The following PDS5A variants were observed in gnomAD, a reference collection of about 807,000 sequenced individuals.
PDS5A encodes the protein sister chromatid cohesion protein PDS5 homolog A.
Under a neutral mutation model 167.1 loss-of-function variants are expected in PDS5A, and 42 were observed. The observed-to-expected ratio is 0.25, with a 90% CI of 0.20 to 0.33. The LOEUF is 0.33. Among genes scored for constraint, PDS5A ranks in the 10% least tolerant of loss-of-function variants. The pLI is 1.00. For missense variants in PDS5A, 1,033 were observed against 1,605.9 expected (o/e 0.64, Z 6.10); for synonymous variants, 553 against 554.6 (o/e 1.00, Z 0.04).
At chr4:39,843,589 G>A (rs1182122951) in intron 30 of PDS5A, among the ~76,000 whole-genome samples, 2 of 152,094 alleles carry the variant, frequency 1.3e-5, no homozygotes, top group South Asian at 2.1e-4. Flanking sequence ...GCGTGTGCCT[G>A]TAAGCTCAGG....
intron 16 of PDS5A, among the ~76,000 whole-genome samples, chr4:39,893,814 G>C (rs1370930234): frequency 6.6e-6 from 1 of 152,158 alleles, no homozygotes; most frequent in Non-Finnish European, 1.5e-5. Flanking sequence ...GCTAATATAA[G>C]AGCTAGGAAA....
chr4:39,918,278 CT>C (rs1277116530), intron 7 of PDS5A, among the ~76,000 whole-genome samples: 1 of 146,662 alleles, frequency 6.8e-6, no homozygotes, highest in African/African-American at 2.5e-5. Flanking sequence ...TGGGTTGTTT[CT>C]TTTAATACTC....
chr4:39,879,165 A>G (rs575598509), intron 18 of PDS5A, among the ~76,000 whole-genome samples: 12 of 151,948 alleles, frequency 7.9e-5, no homozygotes, highest in African/African-American at 2.7e-4. Context: ...TTTGCCTTCA[A>G]TTTCTTCCCT....
chr4:39,937,268 C>A (rs1326597131), intron 2 of PDS5A, among the ~76,000 whole-genome samples: 1 of 152,168 alleles, frequency 6.6e-6, no homozygotes, highest in Non-Finnish European at 1.5e-5. Flanking sequence ...AAGACACTCT[C>A]ACTTGGGAAA....
chr4:39,895,803 C>G (rs886755009), intron 16 of PDS5A, among the ~76,000 whole-genome samples: 1 of 151,568 alleles, frequency 6.6e-6, no homozygotes, highest in Admixed American at 6.6e-5. Flanking sequence ...TTACAAGCTC[C>G]GCCTCCCAGG....
chr4:39,965,640 A>G (rs377300034), intron 2 of PDS5A, among the ~76,000 whole-genome samples: 1 of 152,356 alleles, frequency 6.6e-6, no homozygotes, highest in East Asian at 1.9e-4. Flanking sequence ...GAAATAAGCC[A>G]ATCACAAAAT....
chr4:39,923,514 T>A (rs944932318), intron 5 of PDS5A, among the ~76,000 whole-genome samples: 2 of 151,070 alleles, frequency 1.3e-5, no homozygotes, highest in Non-Finnish European at 3.0e-5. Context: ...GCCAGCTGAG[T>A]AGCCCCAGCT....
intron 11 of PDS5A, among the ~76,000 whole-genome samples, chr4:39,906,672 T>C (rs1723378285): frequency 1.3e-5 from 2 of 151,142 alleles, no homozygotes; most frequent in Admixed American, 1.3e-4. Context: ...GTACCAGCTA[T>C]TCAGGAGAAT....
At chr4:39,944,674 A>G (rs1187233305) in intron 2 of PDS5A, among the ~76,000 whole-genome samples, 1 of 148,550 alleles carries the variant, frequency 6.7e-6, no homozygotes, top group African/African-American at 2.5e-5. Flanking sequence ...AGCCCGGGCA[A>G]CAACGGCGAA....
chr4:39,846,718 A>G (rs1349198764), intron 28 of PDS5A: 1 of 152,246 alleles, frequency 6.6e-6, no homozygotes, highest in Non-Finnish European at 1.5e-5. Context: ...GTGTCAGTGA[A>G]GCAAAACTAG....
chr4:39,851,801 T>C (rs1449953778), intron 26 of PDS5A, among the ~76,000 whole-genome samples: 2 of 152,244 alleles, frequency 1.3e-5, no homozygotes, highest in African/African-American at 2.4e-5. Context: ...TTTGTTTATA[T>C]AAACACTGAA....
chr4:39,867,114 T>A (rs796812121), intron 22 of PDS5A, 117 bp from the exon 23 acceptor site: 2 of 775,658 alleles, frequency 2.6e-6, no homozygotes, highest in African/African-American at 3.5e-5. Context: ...TTTTATTAAA[T>A]AAGTCTATGG....
intron 12 of PDS5A, among the ~76,000 whole-genome samples, chr4:39,903,220 C>T (rs1342547479): frequency 2.0e-5 from 3 of 152,348 alleles, no homozygotes; most frequent in East Asian, 1.9e-4. Context: ...AGGGGGACCC[C>T]CCTTCATATT....
At chr4:39,867,022 A>C in intron 22 of PDS5A, 25 bp from the exon 23 acceptor site, 1 of 1,551,586 alleles carries the variant, frequency 6.4e-7, no homozygotes, top group Non-Finnish European at 8.7e-7. Flanking sequence ...CATGCTAAAA[A>C]AAGAAAGCAA....
At chr4:39,929,758 T>A (rs1277731383) in intron 2 of PDS5A, among the ~76,000 whole-genome samples, 2 of 150,592 alleles carry the variant, frequency 1.3e-5, no homozygotes, top group African/African-American at 4.9e-5. Context: ...ATTATTATTT[T>A]TTTTTGAGAA....
At chr4:39,949,375 C>G (rs1728105786) in intron 2 of PDS5A, among the ~76,000 whole-genome samples, 1 of 150,410 alleles carries the variant, frequency 6.6e-6, no homozygotes, top group East Asian at 2.0e-4. Context: ...ATGCCAGCCA[C>G]AACAGACCAC....
chr4:39,976,097 A>C (rs1225700730), intron 2 of PDS5A: 1 of 165,192 alleles, frequency 6.1e-6, no homozygotes, highest in Non-Finnish European at 1.3e-5. Flanking sequence ...TCAGAAGCTG[A>C]AAATAGTAAA....
chr4:39,850,188 C>T (rs1162778372), intron 26 of PDS5A, among the ~76,000 whole-genome samples: 3 of 151,110 alleles, frequency 2.0e-5, no homozygotes, highest in Non-Finnish European at 2.9e-5. Flanking sequence ...AGGAGAATGG[C>T]GTGAACCCAG....
intron 26 of PDS5A, among the ~76,000 whole-genome samples, chr4:39,850,979 A>G (rs1386536047): frequency 6.6e-6 from 1 of 152,208 alleles, no homozygotes; most frequent in Non-Finnish European, 1.5e-5. Flanking sequence ...TACATTCCAC[A>G]TAATTGTTTT....
Sources: allele counts gnomAD v4.1 joint callset (sites outside exome capture counted in the v4.1 genomes callset), GRCh38; gene constraint gnomAD v4.1.1; transcripts MANE v1.5; gene names NCBI Gene and HGNC (gene_info 2026-07-23, HGNC 2026-07-21).